The following KIF13B variants were observed in gnomAD, a reference collection of about 807,000 sequenced individuals.
The protein encoded by KIF13B is kinesin family member 13B.
In KIF13B, 127 loss-of-function variants were observed where a neutral mutation model predicts 222.0. The observed-to-expected ratio is 0.57, with a 90% CI of 0.50 to 0.66. The LOEUF is 0.66. KIF13B is among the 30% of genes least tolerant of loss of function. The pLI is 0.00. For missense variants in KIF13B, 2,173 were observed against 2,379.0 expected, an observed-to-expected ratio of 0.91 and a Z score of 1.80; for synonymous variants, 976 against 919.0, an observed-to-expected ratio of 1.06 and a Z score of -1.12.
At chr8:29,108,259 C>T in intron 34 of KIF13B, 67 bp from the exon 35 acceptor site, 1 of 1,469,810 alleles carries the variant, frequency 6.8e-7, no homozygotes, top group South Asian at 1.2e-5. Context: ...TAGGCAACGC[C>T]AGTCTTTGCC....
At chr8:29,118,769 G>T in intron 30 of KIF13B, 99 bp downstream of exon 30, 1 of 1,233,338 alleles carries the variant, frequency 8.1e-7, no homozygotes, top group Non-Finnish European at 1.1e-6. Context: ...TTTGAGAAAT[G>T]TAAAGTACTG....
intron 3 of KIF13B, 100 bp downstream of exon 3, chr8:29,196,087 G>C: frequency 9.6e-7 from 1 of 1,039,012 alleles, no homozygotes; most frequent in South Asian, 1.5e-5. Context: ...TGTACAAAAT[G>C]ATAGAAAATA....
chr8:29,130,236 C>A (rs991880507), intron 24 of KIF13B, among the ~76,000 whole-genome samples: 9 of 152,160 alleles, frequency 5.9e-5, no homozygotes, highest in African/African-American at 2.2e-4. Flanking sequence ...ATTTGGCTGA[C>A]AGCAGTGGCT....
In KIF13B at chr8:29,071,794, CGCCCGGG is replaced by C; in HGVS notation, c.5037_5043del (p.Ala1682AspfsTer34). The C allele has an allele frequency of 1.3e-6, 2 of 1,546,676 alleles. No individual in the cohort carries two copies. Among genetic ancestry groups the C allele is most frequent in the Non-Finnish European group, 1.7e-6 (2 of 1,146,278 alleles). On this transcript the variant is annotated frameshift_variant, in exon 39 of 40. Coordinates refer to ENST00000524189, the MANE Select transcript of KIF13B (RefSeq NM_015254.4). LOFTEE classifies it high-confidence loss of function. This position sits in a 1 kb window ranked among gnomAD's most constrained non-coding sequence, Gnocchi z 4.9. ...TCAGAGGCCAGGGCCTGTCCCCCGGCGCCCGGGGCCGGCGCATTCCCCTCGGCCCCCG... is the reference window on the plus strand; with the variant it reads ...TCAGAGGCCAGGGCCTGTCCCCCGGCGCCGGCGCATTCCCCTCGGCCCCCG...
intron 3 of KIF13B, among the ~76,000 whole-genome samples, chr8:29,195,163 G>A (rs1263881188): frequency 6.6e-6 from 1 of 152,098 alleles, no homozygotes; most frequent in Admixed American, 6.6e-5. Flanking sequence ...CAGGAGAATT[G>A]CTTGAACCCA....
intron 38 of KIF13B, among the ~76,000 whole-genome samples, chr8:29,072,769 C>G (rs552307993): frequency 6.6e-6 from 1 of 152,154 alleles, no homozygotes; most frequent in Non-Finnish European, 1.5e-5. Context: ...AGGGCCAGCA[C>G]GCTACAAAGA....
intron 10 of KIF13B, among the ~76,000 whole-genome samples, chr8:29,173,128 T>G (rs1461211977): frequency 6.6e-6 from 1 of 152,128 alleles, no homozygotes. Flanking sequence ...TTGGCCAAGC[T>G]GGTCTCGAAC....
At chr8:29,253,954 GAGTAATCAAGAC>G (rs1343117112) in intron 1 of KIF13B, among the ~76,000 whole-genome samples, 2 of 151,598 alleles carry the variant, frequency 1.3e-5, no homozygotes, top group Non-Finnish European at 2.9e-5. Flanking sequence ...TACAAAGGTA[GAGTAATCAAGAC>G]AGTGTGGTAC....
chr8:29,150,415 G>C (rs372216655), intron 14 of KIF13B, 32 bp from the exon 15 acceptor site: 1 of 1,053,386 alleles, frequency 9.5e-7, no homozygotes, highest in Non-Finnish European at 1.5e-6. Flanking sequence ...CGTGAATGAT[G>C]AGTACAGTAT....
chr8:29,208,713 G>C (rs1038187590), intron 2 of KIF13B, among the ~76,000 whole-genome samples: 8 of 152,138 alleles, frequency 5.3e-5, no homozygotes, highest in Non-Finnish European at 1.0e-4. Context: ...CATGAGGGTG[G>C]GACCTTGGTC....
chr8:29,173,942 C>A (rs1429816142), intron 10 of KIF13B, among the ~76,000 whole-genome samples: 1,072 of 126,228 alleles, frequency 8.5e-3, no homozygotes, highest in East Asian at 0.01. Context: ...GGCTCCGTCT[C>A]AAAAAAAAAA....
chr8:29,092,253 A>G (rs1808333767), intron 37 of KIF13B, among the ~76,000 whole-genome samples: 1 of 152,244 alleles, frequency 6.6e-6, no homozygotes, highest in South Asian at 2.1e-4. Flanking sequence ...CACTTACCCT[A>G]GAGCTGGGTA....
At chr8:29,131,158 G>T (rs1314671656) in intron 23 of KIF13B, among the ~76,000 whole-genome samples, 2 of 152,064 alleles carry the variant, frequency 1.3e-5, no homozygotes, top group African/African-American at 4.8e-5. Context: ...AACAGACACT[G>T]GAGACTCCCA....
chr8:29,150,343 G>T lies in KIF13B; in HGVS notation c.1576C>A (p.Leu526Ile). Residue 526 changes from leucine to isoleucine, a missense_variant, in exon 15 of 40, where the codon CTA (leucine) becomes ATA (isoleucine). Physicochemically the swap from Leu to Ile is conservative, Grantham distance 5. Transcript: ENST00000524189. ...NGSSVSSPIQLHHGDRILWGN... is the reference protein window; with the variant it reads ...NGSSVSSPIQIHHGDRILWGN... ...CATAATATCCTGTCCCCATGGTGTA[G>T]CTGTATTGGACTGGAGACAGATGAC... 1 of 1,596,036 alleles carries T rather than the reference G, an allele frequency of 6.3e-7. No individual in the cohort carries two copies. Among genetic ancestry groups the T allele is most frequent in the Non-Finnish European group, 8.6e-7 (1 of 1,166,012 alleles).
intron 6 of KIF13B, among the ~76,000 whole-genome samples, chr8:29,185,072 C>A (rs571862090): frequency 3.2e-4 from 48 of 152,154 alleles, no homozygotes; most frequent in African/African-American, 1.0e-3. Context: ...CTCAAGCGAT[C>A]CTCCCATCTT....
chr8:29,244,051 T>G (rs1425458094), intron 2 of KIF13B, among the ~76,000 whole-genome samples: 1 of 152,192 alleles, frequency 6.6e-6, no homozygotes. Context: ...TCTCGCTCTG[T>G]CGCCCAGGCT....
At chr8:29,225,290 G>C (rs56912598) in intron 2 of KIF13B, among the ~76,000 whole-genome samples, 190 of 152,272 alleles carry the variant, frequency 1.2e-3, no homozygotes, top group Non-Finnish European at 2.1e-3. Context: ...GCATATTAAC[G>C]CATTTAGTCC....
intron 21 of KIF13B, among the ~76,000 whole-genome samples, chr8:29,135,485 G>A (rs1435434473): frequency 6.6e-6 from 1 of 152,176 alleles, no homozygotes; most frequent in East Asian, 1.9e-4. Context: ...ACATGACTGA[G>A]CATTAATCAT....
At position 29,222,031 on chromosome 8, in the gene KIF13B, C is replaced by T. The variant is rs534961512; in HGVS notation, c.149+23315G>A. On this transcript the variant is annotated intron_variant, in intron 2 of 39. Transcript: ENST00000524189. ...AATATAAATTCTTATTAATTAACCA[C>T]TCTATCACTGTTTTCTATAAAAATA... 2.0e-5 allele frequency among the ~76,000 whole-genome samples: 3 copies of T among 152,212 alleles called. No individual in the cohort carries two copies. In the East Asian group the frequency reaches 5.8e-4, roughly 29 times the overall value.
Sources: allele counts gnomAD v4.1 joint callset (sites outside exome capture counted in the v4.1 genomes callset), GRCh38; gene constraint gnomAD v4.1.1; non-coding constraint Gnocchi (gnomAD v3.1); transcripts MANE v1.5; gene names NCBI Gene and HGNC (gene_info 2026-07-23, HGNC 2026-07-21).